Variants in DOK6 observed in about 807,000 individuals in gnomAD.
DOK6 encodes the protein docking protein 6.
DOK6 carries 22 observed loss-of-function variants against 44.0 expected under a neutral mutation model. That is an observed-to-expected ratio of 0.50 (90% CI 0.36 to 0.71). The LOEUF is 0.71. Ranked by LOEUF, DOK6 falls within the 30% of genes least tolerant of loss-of-function variation. The probability of loss-of-function intolerance (pLI) is 0.00; values close to 1 mark genes in which losing one functional copy is unlikely to be tolerated. For synonymous variants in DOK6, 166 were observed against 145.5 expected (o/e 1.14, Z -1.01); for missense variants, 340 against 416.4 (o/e 0.82, Z 1.60).
chr18:69,583,834 C>T (rs1245915632), intron 2 of DOK6, among the ~76,000 whole-genome samples: 3 of 151,418 alleles, frequency 2.0e-5, no homozygotes, highest in East Asian at 1.9e-4. Context: ...TTGGGCTGGG[C>T]GAGGTGGCTC....
Position 69,848,666 on chromosome 18 carries a change from T to G in DOK6, c.*7283T>G, listed in dbSNP as rs891342195. The G allele has an allele frequency of 6.6e-6, 1 of 152,244 alleles. No individual in the cohort carries two copies. Among genetic ancestry groups the G allele is most frequent in the Non-Finnish European group, 1.5e-5 (1 of 68,036 alleles). The allele number at this position is 152,244 out of a possible 1,614,324, so 9.4% of individuals were successfully genotyped here. ...GAAATACATAATTGAAAAATTACCT[T>G]CTTCTGAAGTCGTAGTTTTTAATCT... is the stretch of plus-strand genomic sequence containing the variant. On this transcript the variant is annotated 3_prime_UTR_variant, in exon 8 of 8. Coordinates refer to ENST00000382713, the MANE Select transcript of DOK6 (RefSeq NM_152721.6).
intron 7 of DOK6, among the ~76,000 whole-genome samples, chr18:69,800,413 A>G (rs1599332346): frequency 6.6e-6 from 1 of 152,238 alleles, no homozygotes; most frequent in East Asian, 1.9e-4. Flanking sequence ...GAAATTACCC[A>G]TTATGCCTCT....
chr18:69,445,731 A>G (rs1466859115), intron 1 of DOK6, among the ~76,000 whole-genome samples: 1 of 152,064 alleles, frequency 6.6e-6, no homozygotes, highest in African/African-American at 2.4e-5. Context: ...TCAAAAATCT[A>G]TTTTCTTGGC....
At chr18:69,811,094 C>A (rs1172436570) in intron 7 of DOK6, among the ~76,000 whole-genome samples, 1 of 151,946 alleles carries the variant, frequency 6.6e-6, no homozygotes, top group East Asian at 1.9e-4. Context: ...AAATGTGGTA[C>A]ATACACACAA....
rs62090540 is a variant in DOK6 at position 69,828,302 on chromosome 18, T to C, written c.857-12942T>C. On this transcript the variant is annotated intron_variant, in intron 7 of 7. Transcript: ENST00000382713. ...TCCAGTCTTTATATAATGTTTTCAC[T>C]TAGATTATGCCATTTTAACATTTAC... Among the ~76,000 whole-genome samples, 3 of 152,018 alleles carry C rather than the reference T, an allele frequency of 2.0e-5. No individual in the cohort carries two copies. The South Asian group carries it at 6.2e-4, about 31-fold the overall frequency.
rs755447542 is a variant in DOK6 at position 69,676,497 on chromosome 18, T to C, written c.290-1237T>C. ...GTCACAGATAACTTTTCATGGGGCA[T>C]TTAAAATGCCAAGACAAAGGGTGAG... On this transcript the variant is annotated intron_variant, in intron 3 of 7. Transcript: ENST00000382713. Among the ~76,000 whole-genome samples the C allele has an allele frequency of 1.3e-4, 20 of 152,256 alleles. 3 individuals are homozygous for C. Among genetic ancestry groups the C allele is most frequent in the Admixed American group, 7.2e-4 (11 of 15,288 alleles).
chr18:69,467,714 G>C (rs555561185), intron 1 of DOK6, among the ~76,000 whole-genome samples: 2 of 152,162 alleles, frequency 1.3e-5, no homozygotes, highest in South Asian at 2.1e-4. Flanking sequence ...CTATCCTTTT[G>C]TGTGCCACCA....
intron 3 of DOK6, among the ~76,000 whole-genome samples, chr18:69,664,765 G>A (rs1307016351): frequency 6.6e-6 from 1 of 152,142 alleles, no homozygotes; most frequent in African/African-American, 2.4e-5. Context: ...CATCCAAAGA[G>A]GAGAAAATGC....
chr18:69,694,927 C>T (rs914693063), intron 4 of DOK6, among the ~76,000 whole-genome samples: 2 of 152,142 alleles, frequency 1.3e-5, no homozygotes, highest in African/African-American at 4.8e-5. Flanking sequence ...ATCTTTCTTT[C>T]TATGCTCCTG....
At chr18:69,782,516 C>T (rs1476340801) in intron 7 of DOK6, among the ~76,000 whole-genome samples, 1 of 150,908 alleles carries the variant, frequency 6.6e-6, no homozygotes, top group Non-Finnish European at 1.5e-5. Context: ...CGGCCGTGTT[C>T]TAAGATCTTC....
chr18:69,455,932 CT>C (rs1979622715), intron 1 of DOK6, among the ~76,000 whole-genome samples: 3 of 148,962 alleles, frequency 2.0e-5, no homozygotes, highest in African/African-American at 2.5e-5. Context: ...AATGCCAATT[CT>C]CTAAAGAGAC....
intron 5 of DOK6, among the ~76,000 whole-genome samples, chr18:69,701,078 G>C (rs941544747): frequency 7.2e-5 from 11 of 152,308 alleles, no homozygotes; most frequent in Admixed American, 3.3e-4. Flanking sequence ...CAAATGCATT[G>C]TTAAATTCTG....
At chr18:69,598,981 G>A (rs1051328529) in intron 2 of DOK6, among the ~76,000 whole-genome samples, 4 of 152,010 alleles carry the variant, frequency 2.6e-5, no homozygotes, top group Non-Finnish European at 4.4e-5. Flanking sequence ...AGGACCATAG[G>A]CCTACAGGAA....
At chr18:69,720,775 A>C (rs1414750336) in intron 5 of DOK6, among the ~76,000 whole-genome samples, 1 of 152,170 alleles carries the variant, frequency 6.6e-6, no homozygotes, top group Non-Finnish European at 1.5e-5. Flanking sequence ...CAGATAGACA[A>C]GTTTTATTTT....
chr18:69,604,759 A>G (rs1232379115), intron 3 of DOK6, among the ~76,000 whole-genome samples: 3 of 152,170 alleles, frequency 2.0e-5, no homozygotes, highest in African/African-American at 4.8e-5. Context: ...ACAGTAGTTT[A>G]TATCTGTTAA....
intron 1 of DOK6, among the ~76,000 whole-genome samples, chr18:69,473,376 A>G (rs942878788): frequency 1.3e-5 from 2 of 152,242 alleles, no homozygotes; most frequent in South Asian, 2.1e-4. Context: ...TTAAATATCA[A>G]AAAGATGTTA....
rs1487273777 is a variant in DOK6 at position 69,846,113 on chromosome 18, T to G, written c.*4730T>G. 3.3e-5 allele frequency: 5 copies of G among 152,176 alleles called. No individual in the cohort carries two copies. Among genetic ancestry groups the G allele is most frequent in the African/African-American group, 7.2e-5 (3 of 41,446 alleles). The allele number at this position is 152,176 out of a possible 1,614,324, so 9.4% of individuals were successfully genotyped here. Reference sequence around the variant, plus strand: ...ACTGAAGAATGTGACTATTGTAGCATTCGTGCAATTATGCCAGCAGAGGAG... The same window carrying G: ...ACTGAAGAATGTGACTATTGTAGCAGTCGTGCAATTATGCCAGCAGAGGAG... On this transcript the variant is annotated 3_prime_UTR_variant, in exon 8 of 8. Coordinates refer to ENST00000382713, the MANE Select transcript of DOK6 (RefSeq NM_152721.6).
chr18:69,737,796 C>A (rs546356586), intron 5 of DOK6, among the ~76,000 whole-genome samples: 1 of 152,308 alleles, frequency 6.6e-6, no homozygotes, highest in East Asian at 1.9e-4. Context: ...TCGACCTTTA[C>A]ATCTCAATGA....
intron 7 of DOK6, among the ~76,000 whole-genome samples, chr18:69,833,319 G>C (rs1260245622): frequency 6.6e-6 from 1 of 152,088 alleles, no homozygotes; most frequent in Non-Finnish European, 1.5e-5. Context: ...AGAAAGGACA[G>C]TCTGCTTAAT....
Sources: allele counts gnomAD v4.1 joint callset (sites outside exome capture counted in the v4.1 genomes callset), GRCh38; gene constraint gnomAD v4.1.1; transcripts MANE v1.5; gene names NCBI Gene and HGNC (gene_info 2026-07-23, HGNC 2026-07-21).